TASP1: variants seen among roughly 807,000 people sequenced by gnomAD.
TASP1 encodes threonine aspartase 1.
Under a neutral mutation model 56.6 loss-of-function variants are expected in TASP1, and 16 were observed. That is an observed-to-expected ratio of 0.28 (90% CI 0.19 to 0.43). TASP1 has a LOEUF of 0.43. Ranked by LOEUF, TASP1 falls within the 20% of genes least tolerant of loss-of-function variation. TASP1 has a pLI of 1.00. For missense variants in TASP1, 393 were observed against 511.6 expected (o/e 0.77, Z 2.24); for synonymous variants, 179 against 184.2 (o/e 0.97, Z 0.23).
chr20:13,610,589 A>G (rs2048318842), intron 4 of TASP1, among the ~76,000 whole-genome samples: 1 of 152,194 alleles, frequency 6.6e-6, no homozygotes, highest in Non-Finnish European at 1.5e-5. Context: ...TCAAAATAAG[A>G]TTGCAAATTT....
At chr20:13,367,848 A>G in the TASP1 span, among the ~76,000 whole-genome samples, 1 of 152,140 alleles carries the variant, frequency 6.6e-6, no homozygotes, top group East Asian at 1.9e-4. Flanking sequence ...CACACCACAG[A>G]TGATGGGAAA....
intron 12 of TASP1, among the ~76,000 whole-genome samples, chr20:13,431,297 A>C (rs1231945558): frequency 6.6e-6 from 1 of 152,158 alleles, no homozygotes. Context: ...CCAAACACGA[A>C]GCAAATTAAT....
chr20:13,408,543 T>G (rs1378345907), intron 13 of TASP1, among the ~76,000 whole-genome samples: 1 of 152,160 alleles, frequency 6.6e-6, no homozygotes, highest in African/African-American at 2.4e-5. Context: ...CCCTCTGCTT[T>G]GTTTTTCTGA....
intron 10 of TASP1, among the ~76,000 whole-genome samples, chr20:13,496,239 G>A (rs1367254047): frequency 2.0e-5 from 3 of 152,038 alleles, no homozygotes; most frequent in Non-Finnish European, 4.4e-5. Flanking sequence ...TTTTTTAGTA[G>A]AGACAGGGTT....
At chr20:13,515,733 C>T (rs1034955964) in intron 10 of TASP1, among the ~76,000 whole-genome samples, 1 of 151,922 alleles carries the variant, frequency 6.6e-6, no homozygotes, top group Non-Finnish European at 1.5e-5. Flanking sequence ...AAAGCAAAAC[C>T]CCGGAATTCC....
At chr20:13,495,687 C>T (rs1455776442) in intron 10 of TASP1, among the ~76,000 whole-genome samples, 1 of 152,062 alleles carries the variant, frequency 6.6e-6, no homozygotes, top group African/African-American at 2.4e-5. Flanking sequence ...TGGGACTCTT[C>T]AAGGTTTTCA....
chr20:13,601,920 A>G (rs995008504), intron 4 of TASP1, among the ~76,000 whole-genome samples: 1 of 117,102 alleles, frequency 8.5e-6, no homozygotes, highest in African/African-American at 3.4e-5. Flanking sequence ...TCAGTTGCCC[A>G]GGCTGGAGTG....
the TASP1 span, among the ~76,000 whole-genome samples, chr20:13,266,308 T>C: frequency 2.0e-5 from 3 of 152,232 alleles, no homozygotes; most frequent in Non-Finnish European, 1.5e-5. Context: ...TTTATTACTA[T>C]TCCTGTTTTT....
chr20:13,236,347 T>G, the TASP1 span, among the ~76,000 whole-genome samples: 25 of 152,282 alleles, frequency 1.6e-4, no homozygotes, highest in East Asian at 4.2e-3. Flanking sequence ...TGAGTTAGCA[T>G]GGGAAAGACT....
At chr20:13,560,498 TA>T (rs1444771989) in intron 7 of TASP1, among the ~76,000 whole-genome samples, 2 of 152,184 alleles carry the variant, frequency 1.3e-5, no homozygotes, top group Admixed American at 6.6e-5. Context: ...TTTAAAGGGC[TA>T]ATTCTCTTAG....
At chr20:13,391,365 C>A (rs776264246) in intron 13 of TASP1, among the ~76,000 whole-genome samples, 7 of 152,100 alleles carry the variant, frequency 4.6e-5, no homozygotes, top group Non-Finnish European at 8.8e-5. Context: ...ATGAGGTCAG[C>A]CAAGAATTCC....
intron 2 of TASP1, 52 bp from the exon 3 acceptor site, chr20:13,625,304 C>G: frequency 6.8e-7 from 1 of 1,464,816 alleles, no homozygotes; most frequent in Non-Finnish European, 9.4e-7. Flanking sequence ...AGAGACCTTG[C>G]TTATGTTATA....
At chr20:13,126,475 T>A in the TASP1 span, 1 of 1,238,232 alleles carries the variant, frequency 8.1e-7, no homozygotes, top group South Asian at 1.7e-5. Context: ...ATTCATCTTT[T>A]GAGCATGAGA....
the TASP1 span, among the ~76,000 whole-genome samples, chr20:13,157,769 T>C: frequency 6.6e-6 from 1 of 152,228 alleles, no homozygotes; most frequent in Non-Finnish European, 1.5e-5. Flanking sequence ...TGCCCTGCTG[T>C]CTGGCTGTGT....
the TASP1 span, among the ~76,000 whole-genome samples, chr20:13,261,928 C>G: frequency 6.6e-6 from 1 of 152,198 alleles, no homozygotes; most frequent in Non-Finnish European, 1.5e-5. Flanking sequence ...GGCCTTATAT[C>G]CCCTCATTCT....
At chr20:13,617,652 A>T (rs544949017) in intron 4 of TASP1, among the ~76,000 whole-genome samples, 2 of 152,316 alleles carry the variant, frequency 1.3e-5, no homozygotes, top group African/African-American at 4.8e-5. Flanking sequence ...GAAACTGGAG[A>T]TGCTCGTTTA....
chr20:13,365,713 A>G, the TASP1 span, among the ~76,000 whole-genome samples: 17 of 152,240 alleles, frequency 1.1e-4, no homozygotes, highest in African/African-American at 4.1e-4. Flanking sequence ...GCCCCGGGCC[A>G]TGGAAGATCT....
the TASP1 span, among the ~76,000 whole-genome samples, chr20:13,330,766 T>G: frequency 6.6e-6 from 1 of 152,172 alleles, no homozygotes; most frequent in African/African-American, 2.4e-5. Flanking sequence ...AGAAATTGCT[T>G]TATTTCATCT....
At chr20:13,162,518 G>A in the TASP1 span, among the ~76,000 whole-genome samples, 1 of 152,128 alleles carries the variant, frequency 6.6e-6, no homozygotes, top group African/African-American at 2.4e-5. Context: ...AAATGACCCT[G>A]ATGAACAGCC....
Sources: gnomAD v4.1 joint callset for allele counts (sites outside exome capture counted in the v4.1 genomes callset) on GRCh38, gnomAD v4.1.1 for gene constraint, MANE v1.5 for transcripts, NCBI Gene and HGNC (gene_info 2026-07-23, HGNC 2026-07-21) for gene names.